Variants in AIDA observed in about 807,000 individuals in gnomAD.
AIDA encodes the protein axin interactor, dorsalization associated.
AIDA carries 18 observed loss-of-function variants against 42.7 expected under a neutral mutation model. The observed-to-expected ratio is 0.42, with a 90% CI of 0.29 to 0.63. The LOEUF (loss-of-function observed/expected upper bound fraction) is 0.63. Among genes scored for constraint, AIDA ranks in the 20% least tolerant of loss-of-function variants. The pLI, the probability that AIDA is intolerant of heterozygous loss-of-function variation, is 0.19. For synonymous variants in AIDA, 104 were observed against 122.9 expected, an observed-to-expected ratio of 0.85 and a Z score of 1.02; for missense variants, 250 against 354.1, an observed-to-expected ratio of 0.71 and a Z score of 2.36.
At chr1:222,686,878 C>T in intron 6 of AIDA, 52 bp downstream of exon 6, 1 of 1,571,984 alleles carries the variant, frequency 6.4e-7, no homozygotes, top group East Asian at 2.3e-5. Context: ...TTTCAAACAC[C>T]CTGACTCTGG....
At chr1:222,689,485 A>ATG (rs1394668587) in intron 4 of AIDA, among the ~76,000 whole-genome samples, 1 of 35,394 alleles carries the variant, frequency 2.8e-5, no homozygotes, top group Non-Finnish European at 5.2e-5. Context: ...GTGTGTGTAT[A>ATG]TATATATATA....
chr1:222,670,650 T>A (rs914805482), intron 8 of AIDA, among the ~76,000 whole-genome samples: 12 of 152,178 alleles, frequency 7.9e-5, no homozygotes, highest in Non-Finnish European at 1.3e-4. Context: ...CCTAAAAAAA[T>A]TTAAGCTCGA....
At chr1:222,697,984 G>C (rs913380352) in intron 2 of AIDA, among the ~76,000 whole-genome samples, 8 of 151,940 alleles carry the variant, frequency 5.3e-5, no homozygotes, top group Admixed American at 5.2e-4. Context: ...TAAGCATCAT[G>C]AGACAGGATA....
chr1:222,674,034 C>G (rs1664501973), intron 7 of AIDA, among the ~76,000 whole-genome samples: 1 of 152,050 alleles, frequency 6.6e-6, no homozygotes, highest in Non-Finnish European at 1.5e-5. Context: ...TTGCAGTGAG[C>G]CAAGATCGCG....
At chr1:222,679,667 C>T (rs1055321956) in intron 6 of AIDA, among the ~76,000 whole-genome samples, 2 of 152,196 alleles carry the variant, frequency 1.3e-5, no homozygotes, top group African/African-American at 4.8e-5. Flanking sequence ...AATCTGCCCA[C>T]AATCATATAG....
At chr1:222,697,609 TATTA>T (rs1655559041) in intron 2 of AIDA, among the ~76,000 whole-genome samples, 1 of 152,064 alleles carries the variant, frequency 6.6e-6, no homozygotes, top group African/African-American at 2.4e-5. Context: ...AAATATTGGC[TATTA>T]ATTGTCATTG....
chr1:222,674,894 G>C (rs768271204), intron 7 of AIDA, among the ~76,000 whole-genome samples: 2 of 152,192 alleles, frequency 1.3e-5, no homozygotes, highest in African/African-American at 2.4e-5. Flanking sequence ...TAACTTAACA[G>C]TTACTACACT....
chr1:222,704,679 T>C (rs74617988), intron 1 of AIDA, among the ~76,000 whole-genome samples: 4,391 of 152,072 alleles, frequency 0.029, 218 homozygotes, highest in African/African-American at 0.099. Context: ...ATACCAAGTA[T>C]GGGGTTTCTT....
intron 8 of AIDA, among the ~76,000 whole-genome samples, 182 bp from the exon 9 acceptor site, chr1:222,670,432 A>G (rs888947962): frequency 1.3e-5 from 2 of 152,232 alleles, no homozygotes; most frequent in Admixed American, 6.5e-5. Flanking sequence ...ACTCTTCTGT[A>G]TCTGAGTAGA....
At chr1:222,692,254 T>C (rs1230755098) in intron 4 of AIDA, among the ~76,000 whole-genome samples, 1 of 152,140 alleles carries the variant, frequency 6.6e-6, no homozygotes, top group African/African-American at 2.4e-5. Flanking sequence ...AAGTACATCA[T>C]GGGTTGGGGA....
intron 2 of AIDA, among the ~76,000 whole-genome samples, chr1:222,698,020 G>A (rs1031370647): frequency 2.6e-5 from 4 of 152,158 alleles, no homozygotes; most frequent in Non-Finnish European, 4.4e-5. Context: ...AAACTTACTT[G>A]AGAAAATCTA....
intron 6 of AIDA, among the ~76,000 whole-genome samples, chr1:222,677,005 T>C (rs1387153074): frequency 2.6e-5 from 4 of 152,082 alleles, no homozygotes; most frequent in Admixed American, 2.6e-4. Context: ...ACCACATCTT[T>C]AGAAATTGCT....
intron 6 of AIDA, among the ~76,000 whole-genome samples, chr1:222,681,754 G>A (rs1329983722): frequency 6.6e-6 from 1 of 152,184 alleles, no homozygotes; most frequent in Non-Finnish European, 1.5e-5. Context: ...TATAGCCACT[G>A]CCACCATGGG....
intron 6 of AIDA, among the ~76,000 whole-genome samples, chr1:222,676,485 A>G (rs1470221483): frequency 6.6e-6 from 1 of 152,222 alleles, no homozygotes; most frequent in African/African-American, 2.4e-5. Flanking sequence ...AGGAAGCCCA[A>G]TTATAAATTA....
intron 4 of AIDA, 89 bp from the exon 5 acceptor site, chr1:222,687,747 T>C (rs1441398934): frequency 1.8e-5 from 18 of 994,824 alleles, no homozygotes; most frequent in South Asian, 5.2e-5. Flanking sequence ...ATCAATTTTA[T>C]TGTGCATATT....
At chr1:222,706,658 G>A (rs950087904) in intron 1 of AIDA, among the ~76,000 whole-genome samples, 4 of 151,870 alleles carry the variant, frequency 2.6e-5, no homozygotes, top group African/African-American at 7.3e-5. Context: ...CACTTGAGGT[G>A]AGGAGTTCGA....
intron 6 of AIDA, among the ~76,000 whole-genome samples, chr1:222,679,395 C>T (rs766564438): frequency 3.3e-5 from 5 of 152,132 alleles, no homozygotes; most frequent in African/African-American, 9.7e-5. Context: ...TGAAAAACTG[C>T]GTGTTTCCAG....
intron 6 of AIDA, among the ~76,000 whole-genome samples, chr1:222,680,125 G>A (rs1664627581): frequency 6.6e-6 from 1 of 152,218 alleles, no homozygotes; most frequent in South Asian, 2.1e-4. Flanking sequence ...TTTGTACACT[G>A]AGCAATGCAG....
chr1:222,696,762 T>C (rs570282816), intron 2 of AIDA, among the ~76,000 whole-genome samples: 43 of 152,386 alleles, frequency 2.8e-4, no homozygotes, highest in African/African-American at 1.0e-3. Context: ...AAGTGAGATA[T>C]GTCAATTACT....
Sources: allele counts gnomAD v4.1 joint callset (sites outside exome capture counted in the v4.1 genomes callset), GRCh38; gene constraint gnomAD v4.1.1; transcripts MANE v1.5; gene names NCBI Gene and HGNC (gene_info 2026-07-23, HGNC 2026-07-21).